MADD: variants seen among roughly 807,000 people sequenced by gnomAD.
MADD encodes the protein MAP kinase-activating death domain protein.
Under a neutral mutation model 176.7 loss-of-function variants are expected in MADD, and 109 were observed. That is an observed-to-expected ratio of 0.62 (90% CI 0.53 to 0.72). MADD has a LOEUF of 0.72. Among genes scored for constraint, MADD ranks in the 30% least tolerant of loss-of-function variants. The probability of loss-of-function intolerance (pLI) is 0.00; values close to 1 mark genes in which losing one functional copy is unlikely to be tolerated. For synonymous variants in MADD, 771 were observed against 771.3 expected, an observed-to-expected ratio of 1.00 and a Z score of 0.01; for missense variants, 1,914 against 2,045.5, an observed-to-expected ratio of 0.94 and a Z score of 1.24.
At chr11:47,303,559 T>G (rs1173876077) in intron 22 of MADD, among the ~76,000 whole-genome samples, 1 of 149,860 alleles carries the variant, frequency 6.7e-6, no homozygotes, top group African/African-American at 2.5e-5. Flanking sequence ...TTTTTAGAAT[T>G]CTCTCTTTGA....
Position 47,274,586 on chromosome 11 carries a change from C to T in MADD, c.86C>T (p.Ala29Val), listed in dbSNP as rs776450443. 3.7e-6 allele frequency: 6 copies of T among 1,613,070 alleles called. No homozygotes were observed. The African/African-American group carries it at 6.7e-5, about 18-fold the overall frequency. ...AGGCACCCGAGCAGTGATAGCGTGG[C>T]CCAGACTCCTGAATTGCTACGGCGA... Residue 29 changes from alanine (A) to valine (V), a missense_variant, in exon 3 of 33, where the codon GCC (alanine) becomes GTC (valine). By Grantham distance (64) the Ala-to-Val change is moderately conservative. This residue lies in a region of MADD where 1,767 missense variants were observed against 1,836.0 expected (regional missense o/e 0.96). Coordinates refer to ENST00000402192, the Ensembl canonical transcript of MADD.
chr11:47,275,094 C>T, exon 3 of MADD: 1 of 1,614,246 alleles, frequency 6.2e-7, no homozygotes, highest in Non-Finnish European at 8.5e-7. Flanking sequence ...CTCTCAAGCG[C>T]CTGGTGGACT....
intron 27 of MADD, 37 bp from the exon 31 acceptor site, chr11:47,323,634 G>T (rs1291567332): frequency 1.2e-6 from 2 of 1,604,674 alleles, no homozygotes; most frequent in African/African-American, 2.7e-5. Flanking sequence ...GGCTGTCAGA[G>T]ACAGGAACCA....
chr11:47,290,580 T>A lies in MADD; in HGVS notation c.3095-30T>A, dbSNP rs1246875183. ...TGCGCCTTGATTCCTACTCACTACT[T>A]CTCTTGACCTCTTGATATTTTTCCC... On this transcript the variant is annotated intron_variant, in intron 18 of 32. Coordinates refer to ENST00000402192, the Ensembl canonical transcript of MADD. 8 of 1,601,108 alleles carry A rather than the reference T, an allele frequency of 5.0e-6. No individual in the cohort carries two copies. The Middle Eastern group carries it at 6.7e-4, about 134-fold the overall frequency.
chr11:47,285,493 T>A (rs1206511970), exon 14 of MADD: 1 of 1,614,184 alleles, frequency 6.2e-7, no homozygotes, highest in East Asian at 2.2e-5. Context: ...GACTGGCAAG[T>A]GACTCAGATG....
chr11:47,278,090 T>C (rs2052281334), intron 5 of MADD, 75 bp from the exon 6 acceptor site: 1 of 968,510 alleles, frequency 1.0e-6, no homozygotes, highest in African/African-American at 1.6e-5. Context: ...TTTCCTTATC[T>C]AGAAGAATCC....
chr11:47,289,975 G>T lies in MADD; in HGVS notation c.2865G>T (p.Leu955=), dbSNP rs762129451. ...GCCGGCTGCTGGAGAGCGAGCAGCT[G>T]CGAGTCTTTGTCCTGAGCAAGCTGA... The change falls in exon 17 of 33, where the codon CTG becomes CTT. Residue 955 remains leucine, a synonymous_variant. Coordinates refer to ENST00000402192, the Ensembl canonical transcript of MADD. 17 of 1,614,170 alleles carry T rather than the reference G, an allele frequency of 1.1e-5. 1 individual carries two copies. In the East Asian group the frequency reaches 3.6e-4, roughly 34 times the overall value.
rs1165044854 is a variant in MADD, at chr11:47,285,195, G to A, written c.2411+1G>A. On this transcript the variant is annotated splice_donor_variant, in intron 13 of 32. Transcript: ENST00000402192. LOFTEE classifies it high-confidence loss of function. ...TCAGCCAACATGTCAGTGGCAATCG[G>A]TGAGAGCCTGGGCATCCCTTCTAGA... The A allele has an allele frequency of 1.2e-6, 2 of 1,613,282 alleles. No homozygotes were observed. Among genetic ancestry groups the A allele is most frequent in the Non-Finnish European group, 1.7e-6 (2 of 1,179,834 alleles).
exon 25 of MADD, chr11:47,309,542 T>C: frequency 6.2e-7 from 1 of 1,614,182 alleles, no homozygotes; most frequent in Non-Finnish European, 8.5e-7. Context: ...CGGAAGCGCC[T>C]GGAAGATGAT....
exon 18 of MADD, chr11:47,290,249 C>G: frequency 6.2e-7 from 1 of 1,614,146 alleles, no homozygotes; most frequent in East Asian, 2.2e-5. Flanking sequence ...GGTGGCATGG[C>G]CAGCATCTTT....
intron 22 of MADD, among the ~76,000 whole-genome samples, chr11:47,298,443 C>T (rs540791854): frequency 2.0e-5 from 3 of 152,184 alleles, no homozygotes; most frequent in African/African-American, 7.2e-5. Context: ...TGTAGAGGCC[C>T]ATTATTCCAA....
intron 22 of MADD, among the ~76,000 whole-genome samples, chr11:47,297,361 T>A (rs548883885): frequency 1.3e-5 from 2 of 152,244 alleles, no homozygotes; most frequent in South Asian, 2.1e-4. Flanking sequence ...GGGCCTTAAC[T>A]CTCTCTCAGT....
intron 26 of MADD, among the ~76,000 whole-genome samples, 171 bp from the exon 30 acceptor site, chr11:47,315,049 A>G (rs2092317198): frequency 6.6e-6 from 1 of 152,230 alleles, no homozygotes; most frequent in Admixed American, 6.5e-5. Context: ...TAAGAGATAT[A>G]GGGCCTCTGA....
chr11:47,327,728 T>G (rs2095610979), intron 31 of MADD: 2 of 985,308 alleles, frequency 2.0e-6, no homozygotes. Context: ...GTTTATTCCC[T>G]GCTGACCCTG....
chr11:47,329,812 C>CTAG (rs2095826491), exon 33 of MADD: 3 of 152,658 alleles, frequency 2.0e-5, no homozygotes, highest in Non-Finnish European at 4.4e-5. Flanking sequence ...CTAGTGGAGT[C>CTAG]CCAGGGACCG....
chr11:47,329,009 C>A, intron 32 of MADD, 37 bp from the exon 37 acceptor site: 1 of 1,489,086 alleles, frequency 6.7e-7, no homozygotes, highest in Non-Finnish European at 9.4e-7. Context: ...ATGGAGGAGT[C>A]TCAGTATCGT....
chr11:47,292,706 A>AGCGT, intron 19 of MADD, 110 bp downstream of exon 21: 1 of 1,051,800 alleles, frequency 9.5e-7, no homozygotes, highest in Non-Finnish European at 1.5e-6. Context: ...TTGCTCTTAG[A>AGCGT]GCGTGTTTGG....
At chr11:47,280,276 G>T (rs1434917694) in intron 7 of MADD, among the ~76,000 whole-genome samples, 1 of 152,004 alleles carries the variant, frequency 6.6e-6, no homozygotes, top group Non-Finnish European at 1.5e-5. Flanking sequence ...TCATTTGAAG[G>T]GCCTTTAGAA....
chr11:47,289,275 AC>A, intron 15 of MADD, 115 bp from the exon 17 acceptor site: 1 of 908,748 alleles, frequency 1.1e-6, no homozygotes, highest in Non-Finnish European at 1.8e-6. Context: ...CCTTGGTGCT[AC>A]CCTCACCCAG....
Sources: allele counts gnomAD v4.1 joint callset (sites outside exome capture counted in the v4.1 genomes callset), GRCh38; gene constraint gnomAD v4.1.1; regional missense constraint gnomAD v4.1.1; transcripts MANE v1.5; gene names NCBI Gene and HGNC (gene_info 2026-07-23, HGNC 2026-07-21).